Variants in TESC observed in about 807,000 individuals in gnomAD.
TESC encodes tescalcin, also known as calcineurin B homologous protein 3.
Under a neutral mutation model 31.0 loss-of-function variants are expected in TESC, and 19 were observed. The ratio of observed to expected loss-of-function variants is 0.61; its 90% CI spans 0.43 to 0.90. TESC has a LOEUF of 0.90. TESC is among the 40% of genes least tolerant of loss of function. The probability of loss-of-function intolerance (pLI) is 0.00; values close to 1 mark genes in which losing one functional copy is unlikely to be tolerated. For synonymous variants in TESC, 109 were observed against 114.8 expected (o/e 0.95, Z 0.32); for missense variants, 248 against 303.8 (o/e 0.82, Z 1.36).
At chr12:117,097,063 C>G (rs952412699) in intron 1 of TESC, among the ~76,000 whole-genome samples, 13 of 152,220 alleles carry the variant, frequency 8.5e-5, no homozygotes, top group Non-Finnish European at 2.9e-5. Context: ...CCTCCAGGAA[C>G]AGCAGCCTCT....
intron 6 of TESC, among the ~76,000 whole-genome samples, chr12:117,043,956 A>T (rs1229628045): frequency 6.6e-6 from 1 of 152,070 alleles, no homozygotes; most frequent in Non-Finnish European, 1.5e-5. Flanking sequence ...TATACTTAAA[A>T]AAATTTTGGC....
chr12:117,050,026 C>A (rs1954624800), intron 3 of TESC, among the ~76,000 whole-genome samples: 1 of 151,598 alleles, frequency 6.6e-6, no homozygotes, highest in Admixed American at 6.6e-5. Flanking sequence ...CAGCCTCAAA[C>A]TCCTGAGCTC....
chr12:117,048,648 C>T (rs1285060806), intron 4 of TESC: 6 of 465,410 alleles, frequency 1.3e-5, no homozygotes, highest in Middle Eastern at 3.2e-4. Flanking sequence ...TGTGATCTTA[C>T]CCAGCCCTCA....
chr12:117,098,839 G>A (rs753646440), intron 1 of TESC, among the ~76,000 whole-genome samples: 1 of 152,156 alleles, frequency 6.6e-6, no homozygotes, highest in African/African-American at 2.4e-5. Context: ...TTCCGCTCTC[G>A]CGCTCACGAA....
intron 1 of TESC, among the ~76,000 whole-genome samples, chr12:117,082,851 TG>T (rs1372143639): frequency 1.3e-5 from 2 of 152,248 alleles, no homozygotes; most frequent in African/African-American, 4.8e-5. Context: ...TTAACTTTTC[TG>T]CAATTTACGG....
chr12:117,089,100 T>A (rs2135801411), intron 1 of TESC, among the ~76,000 whole-genome samples: 1 of 152,152 alleles, frequency 6.6e-6, no homozygotes, highest in Admixed American at 6.5e-5. Flanking sequence ...CAGAGAATAA[T>A]AAGACAGCCA....
chr12:117,046,737 G>A (rs1031408583), intron 5 of TESC, 40 bp downstream of exon 5: 41 of 1,554,444 alleles, frequency 2.6e-5, no homozygotes, highest in Non-Finnish European at 3.6e-5. Flanking sequence ...GAGGGGGAAG[G>A]CACCAGGAGC....
intron 2 of TESC, among the ~76,000 whole-genome samples, chr12:117,061,199 A>C (rs1954796775): frequency 6.6e-6 from 1 of 152,234 alleles, no homozygotes; most frequent in Admixed American, 6.5e-5. Flanking sequence ...GGCACCTTGC[A>C]GGATGGGGAC....
At chr12:117,080,766 C>T (rs1013329043) in intron 1 of TESC, among the ~76,000 whole-genome samples, 6 of 152,214 alleles carry the variant, frequency 3.9e-5, no homozygotes, top group Non-Finnish European at 7.3e-5. Context: ...CAACCCCTTC[C>T]CTGCCCCCAC....
At chr12:117,073,651 A>G (rs1955008275) in intron 2 of TESC, among the ~76,000 whole-genome samples, 1 of 152,224 alleles carries the variant, frequency 6.6e-6, no homozygotes, top group African/African-American at 2.4e-5. Flanking sequence ...AGTTCCAACA[A>G]GCTGTAACCT....
intron 3 of TESC, among the ~76,000 whole-genome samples, chr12:117,051,593 T>C (rs1021837810): frequency 5.9e-5 from 9 of 152,242 alleles, no homozygotes; most frequent in Non-Finnish European, 1.3e-4. Flanking sequence ...CCCGGACTTA[T>C]CGGGCTGCTC....
chr12:117,045,201 C>T lies in TESC; in HGVS notation c.519+1358G>A, dbSNP rs542311281. Among the ~76,000 whole-genome samples the T allele has an allele frequency of 5.3e-5, 8 of 152,334 alleles. No homozygotes were observed. The East Asian group carries it at 5.8e-4, about 11-fold the overall frequency. On this transcript the variant is annotated intron_variant, in intron 6 of 7. Transcript: ENST00000335209. ...GGAGATGAGCCCTCTGCCTTGCAGC[C>T]GTCTTCCTGGTTCCAGGGCTACCCC...
At chr12:117,075,885 ATATATATAT>A (rs1955054306) in intron 1 of TESC, among the ~76,000 whole-genome samples, 1 of 46,258 alleles carries the variant, frequency 2.2e-5, no homozygotes, top group South Asian at 6.7e-4. Context: ...GTATATATAT[ATATATATAT>A]ATATATATAT....
intron 1 of TESC, among the ~76,000 whole-genome samples, chr12:117,084,951 C>A (rs1955196625): frequency 6.6e-6 from 1 of 152,206 alleles, no homozygotes; most frequent in Non-Finnish European, 1.5e-5. Flanking sequence ...TAGGTGCTTG[C>A]TAGAGGCCAG....
chr12:117,065,489 G>A (rs1273721097), intron 2 of TESC, among the ~76,000 whole-genome samples: 2 of 152,178 alleles, frequency 1.3e-5, no homozygotes, highest in Non-Finnish European at 2.9e-5. Flanking sequence ...GGAGGTGCTT[G>A]CTTTGAAAGG....
intron 1 of TESC, among the ~76,000 whole-genome samples, chr12:117,081,140 C>T (rs985646516): frequency 6.6e-6 from 1 of 152,154 alleles, no homozygotes. Flanking sequence ...TAAACTTCAA[C>T]GTGAAGGAAC....
Position 117,094,102 on chromosome 12 carries a change from T to G in TESC, c.58+5123A>C, listed in dbSNP as rs1593029672. 1.3e-5 allele frequency among the ~76,000 whole-genome samples: 2 copies of G among 152,268 alleles called. 1 individual carries two copies. The highest frequency in any genetic ancestry group is 3.9e-4 in the East Asian group (2 of 5,176). On this transcript the variant is annotated intron_variant, in intron 1 of 7. Transcript: ENST00000335209. ...TGTCACCACGGGTGCGTGGGGAAGG[T>G]GAGCTCAATCACACCCCCGGGACGC...
At chr12:117,075,857 A>G (rs1196196682) in intron 1 of TESC, among the ~76,000 whole-genome samples, 2 of 55,596 alleles carry the variant, frequency 3.6e-5, no homozygotes, top group African/African-American at 9.2e-5. Context: ...GTATATATAT[A>G]TATATATATA....
intron 1 of TESC, among the ~76,000 whole-genome samples, chr12:117,082,621 T>C (rs1279073107): frequency 2.6e-5 from 4 of 152,186 alleles, no homozygotes; most frequent in African/African-American, 7.2e-5. Context: ...TTGAATATTG[T>C]GGGACATCGG....
Sources: gnomAD v4.1 joint callset for allele counts (sites outside exome capture counted in the v4.1 genomes callset) on GRCh38, gnomAD v4.1.1 for gene constraint, MANE v1.5 for transcripts, NCBI Gene and HGNC (gene_info 2026-07-23, HGNC 2026-07-21) for gene names.